COL4A6: variants seen among roughly 807,000 people sequenced by gnomAD.
COL4A6 encodes the protein collagen type IV alpha 6 chain, also known as collagen alpha-6(IV) chain.
A neutral mutation model predicts 126.7 loss-of-function variants in COL4A6; 59 were observed. The ratio of observed to expected loss-of-function variants is 0.47; its 90% CI spans 0.38 to 0.58. The LOEUF (loss-of-function observed/expected upper bound fraction) is 0.58, where lower values mean the gene tolerates loss of function less well. Ranked by LOEUF, COL4A6 falls within the 20% of genes least tolerant of loss-of-function variation. COL4A6 has a pLI of 0.00. For missense variants in COL4A6, 1,285 were observed against 1,337.3 expected (o/e 0.96, Z 0.61); for synonymous variants, 547 against 496.6 (o/e 1.10, Z -1.35).
chrX:108,331,329 A>G (rs1414990043), intron 2 of COL4A6, among the ~76,000 whole-genome samples: 1 of 111,790 alleles, frequency 8.9e-6, no homozygotes, highest in Non-Finnish European at 1.9e-5. Flanking sequence ...CGATTTCGTC[A>G]CTGTGCAAAC....
At position 108,211,607 on chromosome X, in the gene COL4A6, G is replaced by A. The variant is rs1206536933; in HGVS notation, c.510+65C>T. The stretch of plus-strand genomic sequence containing the variant: ...AGTTCTGGAAATGTTTTCACTGGAG[G>A]TGGGGCCCAATGCTGGGGAACCCAG... On this transcript the variant is annotated intron_variant, in intron 7 of 44. Coordinates refer to ENST00000334504, the MANE Select transcript of COL4A6 (RefSeq NM_033641.4). 3.9e-6 allele frequency: 4 copies of A among 1,015,414 alleles called. 1 individual carries two copies. The African/African-American group carries it at 7.5e-5, about 19-fold the overall frequency. The allele number at this position is 1,015,414 out of a possible 1,213,427, so 83.7% of individuals were successfully genotyped here.
In COL4A6 at chrX:108,161,631, G is replaced by C; in HGVS notation, c.4321C>G (p.Pro1441Ala). ...DPGLPGLQGP[P>A]GFEGAPGQQG... is the part of the protein sequence containing the mutation. The stretch of plus-strand genomic sequence containing the variant: ...GGCATCATCAGACCTTCAAATCCTG[G>C]AGGGCCTTGCAGTCCAGGCAGACCA... Residue 1441 changes from proline (P) to alanine (A), a missense_variant, in exon 42 of 45, where the codon CCA becomes GCA. By Grantham distance (27) the Pro-to-Ala change is conservative. Coordinates refer to ENST00000334504, the MANE Select transcript of COL4A6 (RefSeq NM_033641.4). 2.6e-6 allele frequency: 3 copies of C among 1,151,609 alleles called. No individual in the cohort carries two copies. The highest frequency in any genetic ancestry group is 3.5e-6 in the Non-Finnish European group (3 of 866,703). The allele number at this position is 1,151,609 out of a possible 1,213,427, so 94.9% of individuals were successfully genotyped here.
At chrX:108,352,935 G>A (rs1339707480) in intron 2 of COL4A6, among the ~76,000 whole-genome samples, 1 of 111,890 alleles carries the variant, frequency 8.9e-6, no homozygotes, top group Non-Finnish European at 1.9e-5. Flanking sequence ...CTTAATTGAG[G>A]GAATGTATAT....
At chrX:108,208,755 G>A (rs944395808) in intron 8 of COL4A6, among the ~76,000 whole-genome samples, 16 of 111,507 alleles carry the variant, frequency 1.4e-4, no homozygotes, top group Admixed American at 1.4e-3. Flanking sequence ...GATAAGGGGC[G>A]GAGAGGGTAA....
At chrX:108,376,989 C>A (rs2040448190) in intron 2 of COL4A6, among the ~76,000 whole-genome samples, 1 of 112,418 alleles carries the variant, frequency 8.9e-6, no homozygotes, top group African/African-American at 3.2e-5. Flanking sequence ...AGGGGACCAG[C>A]GTTCAGCATA....
chrX:108,438,072 T>C (rs2064303516), intron 1 of COL4A6, 79 bp from the exon 2 acceptor site: 5 of 1,199,025 alleles, frequency 4.2e-6, no homozygotes, highest in Non-Finnish European at 5.6e-6. Flanking sequence ...CCGAACCCTT[T>C]TGGATGCCTG....
intron 3 of COL4A6, among the ~76,000 whole-genome samples, chrX:108,305,062 G>C (rs1271212914): frequency 8.9e-6 from 1 of 111,944 alleles, no homozygotes; most frequent in Non-Finnish European, 1.9e-5. Context: ...TTGTTCTTAA[G>C]ATAGTGGAGA....
At chrX:108,388,625 G>C in intron 2 of COL4A6, among the ~76,000 whole-genome samples, 1 of 110,738 alleles carries the variant, frequency 9.0e-6, no homozygotes, top group Non-Finnish European at 1.9e-5. Flanking sequence ...TATTAGTCTG[G>C]CTATCAGTCT....
At chrX:108,188,097 T>C in intron 21 of COL4A6, 70 bp from the exon 22 acceptor site, 1 of 939,185 alleles carries the variant, frequency 1.1e-6, no homozygotes, top group South Asian at 2.5e-5. Flanking sequence ...GCACCTAGCA[T>C]TATGACTTAG....
At chrX:108,278,580 C>G (rs1029535686) in intron 3 of COL4A6, among the ~76,000 whole-genome samples, 1 of 110,484 alleles carries the variant, frequency 9.1e-6, no homozygotes, top group African/African-American at 3.3e-5. Context: ...AGGATATTAT[C>G]CAGGAGAACT....
chrX:108,318,940 C>G (rs1347217352), intron 2 of COL4A6, among the ~76,000 whole-genome samples: 1 of 112,460 alleles, frequency 8.9e-6, no homozygotes, highest in African/African-American at 3.2e-5. Flanking sequence ...TCTTAATTCC[C>G]CATTACTGGA....
Position 108,175,673 on chromosome X carries a change from A to G in COL4A6, c.2811T>C (p.Ala937=), listed in dbSNP as rs769819845. The change falls in exon 29 of 45, where the codon GCT becomes GCC. Residue 937 remains alanine, a synonymous_variant. Transcript: ENST00000334504. Reference sequence around the variant, plus strand: ...GCTCACCCTTTTCACCAGGAGTACCAGCACGTCCAGATGGTCCCATTTTTC... The same window carrying G: ...GCTCACCCTTTTCACCAGGAGTACCGGCACGTCCAGATGGTCCCATTTTTC... ...STGKMGPSGR[A]GTPGEKGDRG... The G allele has an allele frequency of 2.5e-4, 299 of 1,204,107 alleles. 1 individual carries two copies. In the South Asian group the frequency reaches 4.9e-3, roughly 20 times the overall value.
intron 9 of COL4A6, 88 bp from the exon 10 acceptor site, chrX:108,205,783 A>ACT: frequency 1.3e-6 from 1 of 777,284 alleles, no homozygotes; most frequent in Non-Finnish European, 1.9e-6. Flanking sequence ...CTCCCCAGTA[A>ACT]CTCAGCCATC....
intron 2 of COL4A6, among the ~76,000 whole-genome samples, chrX:108,355,360 G>T (rs2039937482): frequency 8.9e-6 from 1 of 112,284 alleles, no homozygotes; most frequent in Non-Finnish European, 1.9e-5. Flanking sequence ...ACACCTAGAA[G>T]CACACAAATA....
intron 43 of COL4A6, 81 bp from the exon 44 acceptor site, chrX:108,159,829 A>G (rs774820195): frequency 3.1e-5 from 32 of 1,046,037 alleles, no homozygotes; most frequent in Middle Eastern, 2.5e-4. Context: ...GTTTACATCC[A>G]ACCACTTGCA....
intron 37 of COL4A6, among the ~76,000 whole-genome samples, chrX:108,167,526 G>A (rs761153896): frequency 9.0e-6 from 1 of 110,685 alleles, no homozygotes; most frequent in African/African-American, 3.3e-5. Context: ...TGTAGAAACA[G>A]GGTTTTACCA....
chrX:108,359,308 C>A (rs2148058652), intron 2 of COL4A6, among the ~76,000 whole-genome samples: 1 of 112,630 alleles, frequency 8.9e-6, no homozygotes, highest in African/African-American at 3.2e-5. Flanking sequence ...GGCCACACAG[C>A]TAATCAGTGA....
At chrX:108,402,062 AG>A (rs752233320) in intron 2 of COL4A6, among the ~76,000 whole-genome samples, 2 of 111,427 alleles carry the variant, frequency 1.8e-5, no homozygotes, top group African/African-American at 6.5e-5. Context: ...GAAACTGGCC[AG>A]TAATTTTCCT....
chrX:108,357,433 G>A (rs2039984828), intron 2 of COL4A6, among the ~76,000 whole-genome samples: 1 of 111,091 alleles, frequency 9.0e-6, no homozygotes, highest in Admixed American at 9.6e-5. Flanking sequence ...CTCCAACCTG[G>A]AATTTGATAA....
Sources: gnomAD v4.1 joint callset for allele counts (sites outside exome capture counted in the v4.1 genomes callset) on GRCh38, gnomAD v4.1.1 for gene constraint, MANE v1.5 for transcripts, NCBI Gene and HGNC (gene_info 2026-07-23, HGNC 2026-07-21) for gene names.